The following RASA3 variants were observed in gnomAD, a reference collection of about 807,000 sequenced individuals.
The protein encoded by RASA3 is ras GTPase-activating protein 3.
A neutral mutation model predicts 110.0 loss-of-function variants in RASA3; 73 were observed. That is an observed-to-expected ratio of 0.66 (90% CI 0.55 to 0.81). The LOEUF (loss-of-function observed/expected upper bound fraction) is 0.81. Among genes scored for constraint, RASA3 ranks in the 30% least tolerant of loss-of-function variants. RASA3 has a pLI of 0.00. For synonymous variants in RASA3, 500 were observed against 451.4 expected (o/e 1.11, Z -1.37); for missense variants, 976 against 1,113.2 (o/e 0.88, Z 1.75).
intron 4 of RASA3, among the ~76,000 whole-genome samples, chr13:114,033,528 C>T (rs1156413404): frequency 1.9e-5 from 1 of 53,426 alleles, no homozygotes; most frequent in Non-Finnish European, 3.3e-5. Flanking sequence ...ACTGACACCA[C>T]GCCCCACGGC....
intron 2 of RASA3, among the ~76,000 whole-genome samples, chr13:114,059,797 C>A (rs908293174): frequency 1.3e-5 from 2 of 152,234 alleles, no homozygotes; most frequent in Non-Finnish European, 2.9e-5. Flanking sequence ...CTCACTGGAC[C>A]CAGAAACCAC....
At chr13:114,118,323 G>A (rs1356300952) in intron 1 of RASA3, among the ~76,000 whole-genome samples, 1 of 152,138 alleles carries the variant, frequency 6.6e-6, no homozygotes, top group Admixed American at 6.5e-5. Flanking sequence ...CCCCAGCCAA[G>A]TGCCTGTGGG....
intron 18 of RASA3, among the ~76,000 whole-genome samples, chr13:114,001,646 C>T (rs1273301770): frequency 9.2e-5 from 13 of 141,282 alleles, no homozygotes; most frequent in East Asian, 4.3e-4. Context: ...CCACACAACA[C>T]GGAGGACCTG....
At chr13:114,004,199 A>T (rs2053464049) in intron 18 of RASA3, among the ~76,000 whole-genome samples, 1 of 152,164 alleles carries the variant, frequency 6.6e-6, no homozygotes, top group African/African-American at 2.4e-5. Flanking sequence ...CTAACAGAGT[A>T]TCCACAAAAA....
In RASA3 at chr13:114,015,307, C is replaced by G; in HGVS notation, c.1307G>C (p.Arg436Pro). ...AGACTCAGTGATGGCGTGGAAGACG[C>G]GGTCCACATACTGCCGTAGGTTCTC... ...NMENLRQYVD[R>P]VFHAITESGV... Residue 436 changes from arginine to proline, a missense_variant, in exon 14 of 24, where the codon CGC becomes CCC. Coordinates refer to ENST00000334062, the MANE Select transcript of RASA3 (RefSeq NM_007368.4). The G allele has an allele frequency of 6.2e-7, 1 of 1,613,006 alleles. No homozygotes were observed. Among genetic ancestry groups the G allele is most frequent in the Non-Finnish European group, 8.5e-7 (1 of 1,179,966 alleles).
intron 2 of RASA3, among the ~76,000 whole-genome samples, chr13:114,066,979 T>TACCTGGGCTGAGGACGGGACCCCA (rs2079464081): frequency 8.3e-6 from 1 of 120,186 alleles, no homozygotes; most frequent in Non-Finnish European, 1.7e-5. Flanking sequence ...CAGGCCCCCC[T>TACCTGGGCTGAGGACGGGACCCCA]ACCTGGGCTG....
At chr13:113,981,182 T>C (rs1202294063) in intron 23 of RASA3, among the ~76,000 whole-genome samples, 2 of 152,176 alleles carry the variant, frequency 1.3e-5, no homozygotes, top group Admixed American at 6.5e-5. Flanking sequence ...GAGTGGAGCT[T>C]AGCTAAGCGC....
intron 1 of RASA3, among the ~76,000 whole-genome samples, chr13:114,099,583 C>G (rs2079996163): frequency 6.7e-6 from 1 of 150,306 alleles, no homozygotes; most frequent in Admixed American, 6.6e-5. Flanking sequence ...AAAACTGGCC[C>G]AAATGCAGGG....
chr13:114,079,520 C>A (rs1294626852), intron 1 of RASA3, among the ~76,000 whole-genome samples: 1 of 152,180 alleles, frequency 6.6e-6, no homozygotes, highest in African/African-American at 2.4e-5. Context: ...AAAGTATTTA[C>A]CGGAACAATA....
intron 14 of RASA3, 44 bp from the exon 15 acceptor site, chr13:114,013,292 T>C (rs1247272641): frequency 2.0e-6 from 3 of 1,482,900 alleles, no homozygotes; most frequent in African/African-American, 2.8e-5. Flanking sequence ...TCGGGCACAA[T>C]GGCCTCGTGG....
At position 114,002,295 on chromosome 13, in the gene RASA3, G is replaced by A. The variant is rs528162999; in HGVS notation, c.1743-1363C>T. On this transcript the variant is annotated intron_variant, in intron 18 of 23. Coordinates refer to ENST00000334062, the MANE Select transcript of RASA3 (RefSeq NM_007368.4). ...CAGAGAGCTGTGGACGCACACCGGA[G>A]GGTGTGGAAGCTGCTGGGAGCTGTT... Among the ~76,000 whole-genome samples the A allele has an allele frequency of 2.0e-5, 3 of 152,346 alleles. No individual in the cohort carries two copies. The East Asian group carries it at 5.8e-4, about 29-fold the overall frequency.
At chr13:114,069,441 A>AG (rs1491534083) in intron 2 of RASA3, among the ~76,000 whole-genome samples, 3 of 60,208 alleles carry the variant, frequency 5.0e-5, no homozygotes, top group Non-Finnish European at 9.1e-5. Flanking sequence ...TGGGAGACTC[A>AG]GGGACCGGGA....
In RASA3 at chr13:114,081,249, C is replaced by T. The variant is rs78365913; in HGVS notation, c.56-7412G>A. ...GCTGCCACGTCACTCCAGAGACTCA[C>T]GCGTCCCGAGACCCAAGTGATCCCT... On this transcript the variant is annotated intron_variant, in intron 1 of 23. Coordinates refer to ENST00000334062, the MANE Select transcript of RASA3 (RefSeq NM_007368.4). Among the ~76,000 whole-genome samples, 159 of 152,330 alleles carry T rather than the reference C, an allele frequency of 1.0e-3. 1 individual carries two copies. The highest frequency in any genetic ancestry group is 3.7e-3 in the African/African-American group (152 of 41,574).
In RASA3 at chr13:114,045,147, T is replaced by C. The variant is rs189968744; in HGVS notation, c.278-4053A>G. Among the ~76,000 whole-genome samples, 244 of 152,334 alleles carry C rather than the reference T, an allele frequency of 1.6e-3. 1 individual carries two copies. The highest frequency in any genetic ancestry group is 5.7e-3 in the African/African-American group (236 of 41,570). On this transcript the variant is annotated intron_variant, in intron 3 of 23. Coordinates refer to ENST00000334062, the MANE Select transcript of RASA3 (RefSeq NM_007368.4). The stretch of plus-strand genomic sequence containing the variant: ...ATGGGGACCGTGGACATTTGAAGCA[T>C]GCGTGTTCGTATCTCCAGATGCTGA...
chr13:114,080,190 T>C (rs1223464174), intron 1 of RASA3, among the ~76,000 whole-genome samples: 1 of 151,814 alleles, frequency 6.6e-6, no homozygotes, highest in Non-Finnish European at 1.5e-5. Flanking sequence ...GGCACCATGC[T>C]CCTCCCTCAA....
At chr13:114,058,308 G>A (rs917948616) in intron 2 of RASA3, among the ~76,000 whole-genome samples, 1 of 152,068 alleles carries the variant, frequency 6.6e-6, no homozygotes, top group Admixed American at 6.5e-5. Context: ...CCATCCACGC[G>A]TCCAGCAGGA....
chr13:114,080,760 C>A (rs976964639), intron 1 of RASA3, among the ~76,000 whole-genome samples: 5 of 86,296 alleles, frequency 5.8e-5, no homozygotes, highest in Non-Finnish European at 1.1e-4. Context: ...ATGGGCTGTG[C>A]AAATGGCATC....
chr13:114,069,070 G>A (rs2079507524), intron 2 of RASA3, among the ~76,000 whole-genome samples: 1 of 152,236 alleles, frequency 6.6e-6, no homozygotes, highest in Admixed American at 6.5e-5. Context: ...CACACGCAGG[G>A]AGGAGGCGTG....
At chr13:114,132,283 G>T (rs1465845289) in intron 1 of RASA3, 152 bp downstream of exon 1, 52 of 814,564 alleles carry the variant, frequency 6.4e-5, no homozygotes, top group Non-Finnish European at 8.6e-5. Context: ...GAGGGGCCGC[G>T]GAGCCGGACC....
Sources: allele counts gnomAD v4.1 joint callset (sites outside exome capture counted in the v4.1 genomes callset), GRCh38; gene constraint gnomAD v4.1.1; transcripts MANE v1.5; gene names NCBI Gene and HGNC (gene_info 2026-07-23, HGNC 2026-07-21).